Variants in PUDP observed in about 807,000 individuals in gnomAD.
The protein encoded by PUDP is pseudouridine-5'-phosphatase.
Under a neutral mutation model 9.4 loss-of-function variants are expected in PUDP, and 8 were observed. The observed-to-expected ratio is 0.85, with a 90% CI of 0.50 to 1.53. The LOEUF is 1.53. Among genes scored for constraint, PUDP ranks in the 40% most tolerant of loss-of-function variants. PUDP has a pLI of 0.00. For synonymous variants in PUDP, 99 were observed against 80.7 expected, an observed-to-expected ratio of 1.23 and a Z score of -1.22; for missense variants, 188 against 189.7, an observed-to-expected ratio of 0.99 and a Z score of 0.05.
chrX:6,720,490 C>T (rs1343326636), intron 1 of PUDP, among the ~76,000 whole-genome samples: 1 of 105,013 alleles, frequency 9.5e-6, no homozygotes, highest in Non-Finnish European at 1.9e-5. Flanking sequence ...AAGGTGGTTA[C>T]GAGGGGCTGG....
At chrX:7,065,517 C>T (rs1048193200) in intron 3 of PUDP, among the ~76,000 whole-genome samples, 9 of 112,490 alleles carry the variant, frequency 8.0e-5, no homozygotes, top group Non-Finnish European at 1.9e-5. Context: ...CTGACTGATC[C>T]ATCTGTTTCA....
chrX:6,765,370 A>G (rs182431038), intron 3 of PUDP, among the ~76,000 whole-genome samples: 325 of 112,322 alleles, frequency 2.9e-3, no homozygotes, highest in Non-Finnish European at 5.2e-3. Context: ...AGAAATATGT[A>G]AAACCTGTCT....
intron 3 of PUDP, among the ~76,000 whole-genome samples, chrX:6,932,983 G>C (rs1244668468): frequency 9.1e-6 from 1 of 110,139 alleles, no homozygotes; most frequent in Non-Finnish European, 1.9e-5. Flanking sequence ...GAACTGGGTG[G>C]AGCCCACCAC....
At chrX:6,964,534 C>T (rs949739587) in intron 3 of PUDP, among the ~76,000 whole-genome samples, 6 of 110,496 alleles carry the variant, frequency 5.4e-5, no homozygotes, top group African/African-American at 1.6e-4. Context: ...ATTAGCTGGG[C>T]GTGGTGGCAC....
At chrX:7,113,595 T>C (rs1312859295) in intron 1 of PUDP, among the ~76,000 whole-genome samples, 1 of 112,639 alleles carries the variant, frequency 8.9e-6, no homozygotes, top group African/African-American at 3.2e-5. Flanking sequence ...TTGCTTTAAT[T>C]AAAAAACCCA....
At chrX:6,971,964 T>C (rs1271384782) in intron 3 of PUDP, among the ~76,000 whole-genome samples, 1 of 111,771 alleles carries the variant, frequency 8.9e-6, no homozygotes, top group Non-Finnish European at 1.9e-5. Flanking sequence ...TATTTTATTC[T>C]CTTTGTAGCA....
chrX:7,094,036 G>C lies in PUDP; in HGVS notation c.280+11584C>G, dbSNP rs1230578337. Among the ~76,000 whole-genome samples the C allele has an allele frequency of 4.5e-5, 5 of 111,403 alleles. No homozygotes were observed. In the East Asian group the frequency reaches 1.4e-3, roughly 32 times the overall value. On this transcript the variant is annotated intron_variant, in intron 2 of 3. Coordinates refer to ENST00000381077, the MANE Select transcript of PUDP (RefSeq NM_012080.5). The stretch of plus-strand genomic sequence containing the variant: ...AGGTGGGAGGATCGCTTGGGTTTGG[G>C]GGGATCACTTGAGCCAGGGAGGTCA...
chrX:6,874,780 T>C lies in PUDP; in HGVS notation c.*247+102353A>G, dbSNP rs1314487263. 2.7e-5 allele frequency among the ~76,000 whole-genome samples: 3 copies of C among 112,446 alleles called. 1 individual carries two copies. The South Asian group carries it at 1.1e-3, about 42-fold the overall frequency. ...TAAATATACTGTTACTATTGACTAA[T>C]GTTTCTTTTGGGAAACTCAAGCAAT... On this transcript the variant is annotated intron_variant and NMD_transcript_variant, in intron 3 of 3. Coordinates refer to the PUDP transcript ENST00000655425.
intron 3 of PUDP, among the ~76,000 whole-genome samples, chrX:6,780,108 CTTTG>C (rs3046298): frequency 0.48 from 51,364 of 107,084 alleles, 9,877 homozygotes; most frequent in Non-Finnish European, 0.59. Flanking sequence ...GGAAAAAATC[CTTTG>C]TTTGTGTATA....
At chrX:6,977,629 C>G (rs1928975400) in intron 2 of PUDP, among the ~76,000 whole-genome samples, 1 of 111,902 alleles carries the variant, frequency 8.9e-6, no homozygotes. Flanking sequence ...GTGAGAGCAT[C>G]CCAGGAGTCC....
intron 3 of PUDP, among the ~76,000 whole-genome samples, chrX:6,752,947 C>T (rs764073458): frequency 9.0e-6 from 1 of 111,498 alleles, no homozygotes; most frequent in East Asian, 2.8e-4. Flanking sequence ...GATAGAAATA[C>T]AATTTATATA....
rs189096909 is a variant in PUDP, at chrX:6,771,806, T to G, written c.*248-65340A>C. Among the ~76,000 whole-genome samples, 26 of 112,721 alleles carry G rather than the reference T, an allele frequency of 2.3e-4. 1 individual carries two copies. In the East Asian group the frequency reaches 7.2e-3, roughly 31 times the overall value. On this transcript the variant is annotated intron_variant and NMD_transcript_variant, in intron 3 of 3. Coordinates refer to the PUDP transcript ENST00000655425. ...CCTTTCTGGTCTCTGTTGCAAACGT[T>G]CAACTCTGCCGTTGTAGCATTAAGG...
intron 3 of PUDP, among the ~76,000 whole-genome samples, chrX:6,846,447 T>C (rs902269645): frequency 9.3e-6 from 1 of 107,649 alleles, no homozygotes; most frequent in Non-Finnish European, 1.9e-5. Context: ...CAGTTTTGGA[T>C]GTTTTTCCAT....
chrX:7,077,079 C>T lies in PUDP; in HGVS notation c.510+141G>A, dbSNP rs111561965. 2.2e-5 allele frequency: 22 copies of T among 991,384 alleles called. No individual in the cohort carries two copies. In the African/African-American group the frequency reaches 4.1e-4, roughly 18 times the overall value. 81.7% of individuals were successfully genotyped at this position (991,384 alleles called of 1,213,427 possible). A position where few individuals can be genotyped will look rare whatever the true frequency, so the allele number is the denominator to read the frequency against. On this transcript the variant is annotated intron_variant, in intron 3 of 3. Transcript: ENST00000381077. ...TCCAACCAGACCATCTCCCTGCCCA[C>T]ATACCCAAGTTCTAGGGAGCATTGC... is the stretch of plus-strand genomic sequence containing the variant.
chrX:6,720,240 A>ATGTGTGTG (rs1165718590), intron 1 of PUDP, among the ~76,000 whole-genome samples: 1 of 55,669 alleles, frequency 1.8e-5, no homozygotes, highest in African/African-American at 7.7e-5. Flanking sequence ...GTGTGTATAT[A>ATGTGTGTG]TGTATGTGTG....
At chrX:7,061,781 T>C (rs754794878) in intron 3 of PUDP, among the ~76,000 whole-genome samples, 14 of 111,762 alleles carry the variant, frequency 1.3e-4, no homozygotes, top group Non-Finnish European at 1.9e-4. Flanking sequence ...AAATATGCCC[T>C]CCCACCAACT....
upstream of PUDP, among the ~76,000 whole-genome samples, chrX:6,724,501 CA>C (rs1170392595): frequency 0.12 from 5,305 of 45,344 alleles, 146 homozygotes; most frequent in Non-Finnish European, 0.14. Flanking sequence ...ATTCTCTCTC[CA>C]AAAAAAAAAA....
chrX:6,882,091 A>C (rs1354133655), intron 3 of PUDP, among the ~76,000 whole-genome samples: 3 of 107,045 alleles, frequency 2.8e-5, no homozygotes, highest in Non-Finnish European at 5.8e-5. Flanking sequence ...CTCCTGCCTC[A>C]GCCTCCCAAG....
chrX:6,980,903 C>T (rs1486777818), intron 1 of PUDP, among the ~76,000 whole-genome samples: 1 of 111,176 alleles, frequency 9.0e-6, no homozygotes, highest in African/African-American at 3.3e-5. Context: ...TTTTGGTATC[C>T]ACAGGGTTCC....
Sources: allele counts gnomAD v4.1 joint callset (sites outside exome capture counted in the v4.1 genomes callset), GRCh38; gene constraint gnomAD v4.1.1; transcripts MANE v1.5; gene names NCBI Gene and HGNC (gene_info 2026-07-23, HGNC 2026-07-21).